Variants in ENTPD1 observed in about 807,000 individuals in gnomAD.
ENTPD1 encodes the protein ATP diphosphohydrolase.
ENTPD1 carries 33 observed loss-of-function variants against 57.0 expected under a neutral mutation model. That is an observed-to-expected ratio of 0.58 (90% CI 0.44 to 0.77). ENTPD1 has a LOEUF of 0.77. ENTPD1 is among the 30% of genes least tolerant of loss of function. ENTPD1 has a pLI of 0.00. For missense variants in ENTPD1, 501 were observed against 603.4 expected, an observed-to-expected ratio of 0.83 and a Z score of 1.78; for synonymous variants, 202 against 218.8, an observed-to-expected ratio of 0.92 and a Z score of 0.68.
At chr10:95,754,254 G>C (rs536079093), upstream of ENTPD1, 1 of 147,634 alleles carries the variant, frequency 6.8e-6, no homozygotes, top group African/African-American at 2.5e-5. Flanking sequence ...GGTGCAGTAA[G>C]CTGAGATGGC....
At chr10:95,860,952 G>T (rs890176485) in intron 8 of ENTPD1, among the ~76,000 whole-genome samples, 2 of 152,180 alleles carry the variant, frequency 1.3e-5, no homozygotes, top group Non-Finnish European at 2.9e-5. Flanking sequence ...GTTCAGAAAG[G>T]TCAGAAAAGG....
In ENTPD1 at chr10:95,788,494, G is replaced by C. The variant is rs574469336; in HGVS notation, c.16+32239G>C. Reference sequence around the variant, plus strand: ...TAGCTGGGCGTGGTGGTGGGTGCCTGTAATCCCAGATACGTTGGAGGCTGA... The same window carrying C: ...TAGCTGGGCGTGGTGGTGGGTGCCTCTAATCCCAGATACGTTGGAGGCTGA... On this transcript the variant is annotated intron_variant, in intron 1 of 9. Transcript: ENST00000371205. 6.8e-4 allele frequency among the ~76,000 whole-genome samples: 104 copies of C among 152,180 alleles called. 1 individual carries two copies. The highest frequency in any genetic ancestry group is 2.4e-3 in the African/African-American group (99 of 41,526).
the ENTPD1 span, among the ~76,000 whole-genome samples, chr10:95,705,637 G>A: frequency 3.3e-5 from 5 of 152,042 alleles, no homozygotes; most frequent in East Asian, 1.9e-4. Flanking sequence ...GATTACAGGC[G>A]CCTGCCACCA....
chr10:95,755,735 C>T (rs973926726), upstream of ENTPD1: 2 of 1,537,070 alleles, frequency 1.3e-6, no homozygotes, highest in Non-Finnish European at 1.7e-6. Context: ...AAGAACTGTT[C>T]TTGACTTTCA....
intron 1 of ENTPD1, among the ~76,000 whole-genome samples, chr10:95,784,142 C>T (rs1589814396): frequency 1.4e-5 from 2 of 139,038 alleles, no homozygotes; most frequent in East Asian, 2.0e-4. Context: ...ATCAGTGTAG[C>T]AATTTGACCA....
At chr10:95,825,627 G>C (rs2098372314) in intron 2 of ENTPD1, among the ~76,000 whole-genome samples, 1 of 152,136 alleles carries the variant, frequency 6.6e-6, no homozygotes, top group Non-Finnish European at 1.5e-5. Flanking sequence ...GCCCAGGCTG[G>C]AGTGCAGTGG....
chr10:95,736,003 T>C (rs867631694), intron 1 of ENTPD1, among the ~76,000 whole-genome samples: 1 of 148,286 alleles, frequency 6.7e-6, no homozygotes, highest in South Asian at 2.1e-4. Flanking sequence ...TTTTCAAAGT[T>C]TTTTTTTTTT....
intron 1 of ENTPD1, among the ~76,000 whole-genome samples, chr10:95,736,213 C>T (rs1352137204): frequency 6.6e-6 from 1 of 151,822 alleles, no homozygotes; most frequent in Non-Finnish European, 1.5e-5. Flanking sequence ...GTTGCCCAGG[C>T]TGCTCTGAAA....
intron 1 of ENTPD1, among the ~76,000 whole-genome samples, chr10:95,812,770 A>T (rs2098313249): frequency 6.6e-6 from 1 of 152,232 alleles, no homozygotes; most frequent in African/African-American, 2.4e-5. Context: ...ATATTTAAAA[A>T]ATTTTGGCCA....
At position 95,842,332 on chromosome 10, in the gene ENTPD1, A is replaced by G; in HGVS notation, c.263-12A>G. 6.2e-7 allele frequency: 1 copy of G among 1,609,328 alleles called. No homozygotes were observed. The highest frequency in any genetic ancestry group is 8.5e-7 in the Non-Finnish European group (1 of 1,175,928). On this transcript the variant is annotated splice_polypyrimidine_tract_variant and intron_variant, in intron 3 of 9. Coordinates refer to ENST00000371205, the MANE Select transcript of ENTPD1 (RefSeq NM_001776.6). The stretch of plus-strand genomic sequence containing the variant: ...TTTTTAAAAGATTGTTATCTTCTAC[A>G]TTTTTTCCTAGGTCCTGGAATCTCA...
chr10:95,807,807 G>A (rs540430076), intron 1 of ENTPD1, among the ~76,000 whole-genome samples: 6 of 152,314 alleles, frequency 3.9e-5, no homozygotes, highest in African/African-American at 1.4e-4. Context: ...ATCAGCTTAA[G>A]GAGCTTTGGG....
the ENTPD1 span, among the ~76,000 whole-genome samples, chr10:95,702,863 A>C: frequency 6.6e-6 from 1 of 152,116 alleles, no homozygotes; most frequent in Admixed American, 6.6e-5. Flanking sequence ...GTTCACTGCA[A>C]ACTCCGCCTC....
chr10:95,870,990 T>C lies in ENTPD1; in HGVS notation c.*4607T>C, dbSNP rs923451454. On this transcript the variant is annotated 3_prime_UTR_variant, in exon 10 of 10. Transcript: ENST00000371205. The stretch of plus-strand genomic sequence containing the variant: ...CCTTGTCCAGTGGTTTCTAGGGATA[T>C]GTTCTCATGATGAACCCCGCAGAGG... The C allele has an allele frequency of 1.2e-5, 12 of 985,320 alleles. No individual in the cohort carries two copies. The highest frequency in any genetic ancestry group is 3.5e-5 in the African/African-American group (2 of 57,242). The allele number at this position is 985,320 out of a possible 1,614,324, so 61.0% of individuals were successfully genotyped here. A position where few individuals can be genotyped will look rare whatever the true frequency, so the allele number is the denominator to read the frequency against.
Position 95,872,127 on chromosome 10 carries a change from A to G in ENTPD1, c.*5744A>G. ...TAATATTACTGTTATTGCTCCAGTA[A>G]AGAGCTGTAATATATTTTACCTGGA... On this transcript the variant is annotated 3_prime_UTR_variant, in exon 10 of 10. Transcript: ENST00000371205. 1 of 985,406 alleles carries G rather than the reference A, an allele frequency of 1.0e-6. No individual in the cohort carries two copies. Among genetic ancestry groups the G allele is most frequent in the Middle Eastern group, 5.2e-4 (1 of 1,914 alleles). 61.0% of individuals were successfully genotyped at this position (985,406 alleles called of 1,614,324 possible).
At chr10:95,752,598 G>A (rs551300759), upstream of ENTPD1, among the ~76,000 whole-genome samples, 38 of 152,294 alleles carry the variant, frequency 2.5e-4, no homozygotes, top group African/African-American at 8.2e-4. Flanking sequence ...CAGGGGTTGC[G>A]GTGAGCCGAG....
chr10:95,830,821 C>G (rs1378722732), intron 2 of ENTPD1, among the ~76,000 whole-genome samples: 1 of 151,854 alleles, frequency 6.6e-6, no homozygotes, highest in African/African-American at 2.4e-5. Context: ...GAAAAAAAAG[C>G]CCAGGGACTG....
chr10:95,718,826 T>A lies in ENTPD1; in HGVS notation c.37+6833T>A, dbSNP rs567942477. 6.6e-5 allele frequency among the ~76,000 whole-genome samples: 10 copies of A among 152,318 alleles called. No individual in the cohort carries two copies. In the East Asian group the frequency reaches 9.7e-4, roughly 15 times the overall value. On this transcript the variant is annotated intron_variant, in intron 1 of 9. Transcript: ENST00000453258. Reference sequence around the variant, plus strand: ...GTATACAAGTTGAGGTTGGGATCAGTTAAGGGAACCTCTAGAAGGTCCCCT... The same window carrying A: ...GTATACAAGTTGAGGTTGGGATCAGATAAGGGAACCTCTAGAAGGTCCCCT...
the ENTPD1 span, among the ~76,000 whole-genome samples, chr10:95,702,884 C>T: frequency 2.2e-4 from 33 of 152,244 alleles, no homozygotes; most frequent in Middle Eastern, 3.4e-3. Context: ...TGGGTTCACA[C>T]AATTCTCTGC....
intron 1 of ENTPD1, among the ~76,000 whole-genome samples, chr10:95,780,735 G>A (rs946109261): frequency 6.6e-6 from 1 of 152,226 alleles, no homozygotes; most frequent in African/African-American, 2.4e-5. Flanking sequence ...GATCCTAGGT[G>A]TGGGGTCCAG....
Sources: gnomAD v4.1 joint callset for allele counts (sites outside exome capture counted in the v4.1 genomes callset) on GRCh38, gnomAD v4.1.1 for gene constraint, MANE v1.5 for transcripts, NCBI Gene and HGNC (gene_info 2026-07-23, HGNC 2026-07-21) for gene names.